Variants in PCCB observed in about 807,000 individuals in gnomAD.
The protein encoded by PCCB is propionyl-CoA carboxylase beta chain, mitochondrial.
In PCCB, 43 loss-of-function variants were observed where a neutral mutation model predicts 60.7. The observed-to-expected ratio is 0.71, with a 90% CI of 0.55 to 0.91. PCCB has a LOEUF of 0.91. PCCB is among the 40% of genes least tolerant of loss of function. PCCB has a pLI of 0.00. For synonymous variants in PCCB, 276 were observed against 255.9 expected (o/e 1.08, Z -0.75); for missense variants, 766 against 702.8 (o/e 1.09, Z -1.02).
In PCCB at chr3:136,262,032, G is replaced by A. The variant is rs1212025973; in HGVS notation, c.510G>A (p.Val170=). 36 of 1,557,582 alleles carry A rather than the reference G, an allele frequency of 2.3e-5. No homozygotes were observed. The highest frequency in any genetic ancestry group is 3.0e-5 in the Non-Finnish European group (34 of 1,149,424). ...DSGGARIQEG[V]ESLAGYADIF... ...GGGGAGCACGGATCCAAGAAGGAGT[G>A]GAGTCTTTGGCTGGCTATGCAGACA... The change falls in exon 5 of 15, where the codon GTG becomes GTA. Residue 170 remains valine (V), a synonymous_variant. Transcript: ENST00000251654.
chr3:136,299,273 C>T (rs1308365427), intron 8 of PCCB, among the ~76,000 whole-genome samples: 1 of 151,606 alleles, frequency 6.6e-6, no homozygotes, highest in African/African-American at 2.4e-5. Flanking sequence ...TACATATGTT[C>T]ATGTGTGCAT....
intron 8 of PCCB, among the ~76,000 whole-genome samples, chr3:136,299,984 A>G (rs1256526240): frequency 6.6e-6 from 1 of 151,864 alleles, no homozygotes. Flanking sequence ...ACACACATGC[A>G]TGTGTATATA....
chr3:136,264,815 C>G (rs1941939603), intron 5 of PCCB, among the ~76,000 whole-genome samples: 1 of 134,204 alleles, frequency 7.5e-6, no homozygotes, highest in South Asian at 2.3e-4. Flanking sequence ...GCAGAGCTTG[C>G]AGTCAGCCAA....
At chr3:136,274,908 T>G (rs1364250915) in intron 5 of PCCB, among the ~76,000 whole-genome samples, 1 of 151,974 alleles carries the variant, frequency 6.6e-6, no homozygotes, top group African/African-American at 2.4e-5. Context: ...TCTCCTGGGC[T>G]CAGGCAATCC....
chr3:136,313,672 C>G (rs961082569), intron 9 of PCCB, among the ~76,000 whole-genome samples: 1 of 152,028 alleles, frequency 6.6e-6, no homozygotes, highest in Non-Finnish European at 1.5e-5. Context: ...TGGGGAAAAC[C>G]TTTAAAATGA....
intron 10 of PCCB, among the ~76,000 whole-genome samples, chr3:136,322,946 TC>T (rs1935158805): frequency 6.6e-6 from 1 of 152,126 alleles, no homozygotes; most frequent in Non-Finnish European, 1.5e-5. Context: ...TTTCAGAGTT[TC>T]TGCTGAGAAA....
chr3:136,321,395 G>T (rs1935103195), intron 10 of PCCB, among the ~76,000 whole-genome samples: 1 of 152,196 alleles, frequency 6.6e-6, no homozygotes, highest in Admixed American at 6.5e-5. Context: ...CCAAGCCTGG[G>T]TATTCTATAA....
chr3:136,328,077 C>G (rs1011054822), intron 13 of PCCB, among the ~76,000 whole-genome samples: 1 of 152,178 alleles, frequency 6.6e-6, no homozygotes, highest in Non-Finnish European at 1.5e-5. Flanking sequence ...ATTGGACATT[C>G]TCCCAGCTCC....
At chr3:136,327,579 G>C in intron 12 of PCCB, 55 bp from the exon 13 acceptor site, 1 of 1,364,834 alleles carries the variant, frequency 7.3e-7, no homozygotes, top group Non-Finnish European at 1.0e-6. Context: ...GGGTCTTTCA[G>C]GGACATGATC....
At chr3:136,329,820 G>A (rs1219056191) in intron 14 of PCCB, 85 bp from the exon 15 acceptor site, 1 of 1,483,580 alleles carries the variant, frequency 6.7e-7, no homozygotes, top group East Asian at 2.3e-5. Flanking sequence ...TGGCCCCAGG[G>A]ATGGTGCCCA....
chr3:136,310,717 T>C (rs934774877), intron 9 of PCCB, among the ~76,000 whole-genome samples: 1 of 152,214 alleles, frequency 6.6e-6, no homozygotes, highest in Non-Finnish European at 1.5e-5. Context: ...AGATTTCAGT[T>C]TCATATTGCT....
chr3:136,257,015 C>T (rs1941688524), intron 3 of PCCB, among the ~76,000 whole-genome samples: 1 of 152,152 alleles, frequency 6.6e-6, no homozygotes, highest in Admixed American at 6.5e-5. Flanking sequence ...CCAGAGTCCC[C>T]CTGAGCTTTG....
intron 5 of PCCB, 65 bp from the exon 6 acceptor site, chr3:136,283,772 T>C (rs1942540417): frequency 1.5e-5 from 17 of 1,135,858 alleles, no homozygotes; most frequent in Non-Finnish European, 2.3e-5. Flanking sequence ...GTTGTCTTTA[T>C]CTTTCCACAG....
chr3:136,262,716 AGAAAG>A (rs1941859385), intron 5 of PCCB, among the ~76,000 whole-genome samples: 1 of 152,186 alleles, frequency 6.6e-6, no homozygotes, highest in African/African-American at 2.4e-5. Flanking sequence ...TCCAGGGAGA[AGAAAG>A]GAAGGAGACA....
Position 136,283,916 on chromosome 3 carries a change from C to T in PCCB, c.623C>T (p.Pro208Leu), listed in dbSNP as rs1933218034. The T allele has an allele frequency of 6.2e-7, 1 of 1,612,778 alleles. No individual in the cohort carries two copies. The highest frequency in any genetic ancestry group is 8.5e-7 in the Non-Finnish European group (1 of 1,178,976). The change falls in exon 6 of 15, where the codon CCA (proline) becomes CTA (leucine). Residue 208 changes from proline to leucine, a missense_variant. Coordinates refer to ENST00000251654, the MANE Select transcript of PCCB (RefSeq NM_000532.5). Reference protein sequence around the residue: ...GPCAGGAVYSPALTDFTFMVK... With the variant: ...GPCAGGAVYSLALTDFTFMVK... ...TGTGCTGGTGGGGCCGTCTACTCCC[C>T]AGCCCTAACAGACTTCACGTTCATG...
rs753524674 is a variant in PCCB at position 136,327,077 on chromosome 3, G to GA, written c.1199-75dup. ...AAGGAATGGCCCTCTCCAGAGGTGG[G>GA]AAAGACCTCACAGCTGAGAGTGGCA... On this transcript the variant is annotated intron_variant, in intron 11 of 14. Coordinates refer to ENST00000251654, the MANE Select transcript of PCCB (RefSeq NM_000532.5). 10 of 1,393,566 alleles carry GA rather than the reference G, an allele frequency of 7.2e-6. No individual in the cohort carries two copies. In the East Asian group the frequency reaches 2.3e-4, roughly 32 times the overall value. The allele number at this position is 1,393,566 out of a possible 1,614,324, so 86.3% of individuals were successfully genotyped here. A position where few individuals can be genotyped will look rare whatever the true frequency, so the allele number is the denominator to read the frequency against.
At chr3:136,289,960 T>C (rs936169801) in intron 6 of PCCB, among the ~76,000 whole-genome samples, 27 of 152,196 alleles carry the variant, frequency 1.8e-4, no homozygotes, top group African/African-American at 6.3e-4. Flanking sequence ...ATATAAAATA[T>C]GTGTACATAA....
intron 1 of PCCB, 81 bp downstream of exon 1, chr3:136,250,639 G>T: frequency 1.4e-6 from 2 of 1,388,548 alleles, no homozygotes; most frequent in South Asian, 2.7e-5. Flanking sequence ...GGCGTCCGAG[G>T]CCTCCCTGCC....
At chr3:136,276,924 C>T (rs1292091435) in intron 5 of PCCB, among the ~76,000 whole-genome samples, 1 of 152,300 alleles carries the variant, frequency 6.6e-6, no homozygotes, top group African/African-American at 2.4e-5. Context: ...GTGGTGGTCT[C>T]CTCCTTCCCT....
Sources: gnomAD v4.1 joint callset for allele counts (sites outside exome capture counted in the v4.1 genomes callset) on GRCh38, gnomAD v4.1.1 for gene constraint, MANE v1.5 for transcripts, NCBI Gene and HGNC (gene_info 2026-07-23, HGNC 2026-07-21) for gene names.